Variants in MSRB3 observed in about 807,000 individuals in gnomAD.
The protein encoded by MSRB3 is methionine sulfoxide reductase B3.
In MSRB3, 13 loss-of-function variants were observed where a neutral mutation model predicts 21.0. That is an observed-to-expected ratio of 0.62 (90% CI 0.40 to 0.98). MSRB3 has a LOEUF of 0.98. MSRB3 is among the 50% of genes least tolerant of loss of function. MSRB3 has a pLI of 0.00. For synonymous variants in MSRB3, 87 were observed against 88.6 expected (o/e 0.98, Z 0.10); for missense variants, 199 against 230.3 (o/e 0.86, Z 0.88).
chr12:65,453,600 T>G (rs1882954827), intron 5 of MSRB3, 128 bp from the exon 6 acceptor site: 1 of 761,368 alleles, frequency 1.3e-6, no homozygotes, highest in African/African-American at 1.7e-5. Context: ...CTTTCTTTTT[T>G]CAGGTTGAAA....
chr12:65,338,904 G>A (rs941165874), intron 4 of MSRB3, among the ~76,000 whole-genome samples: 3 of 151,944 alleles, frequency 2.0e-5, no homozygotes, highest in African/African-American at 7.3e-5. Flanking sequence ...GTGAAACCCT[G>A]TCTCTACTAA....
intron 4 of MSRB3, among the ~76,000 whole-genome samples, chr12:65,356,153 A>C (rs1208546700): frequency 6.6e-6 from 1 of 151,890 alleles, no homozygotes; most frequent in Non-Finnish European, 1.5e-5. Context: ...GACCACAGAA[A>C]ATTTATCTTT....
intron 5 of MSRB3, among the ~76,000 whole-genome samples, chr12:65,423,434 C>A (rs1881426181): frequency 6.6e-6 from 1 of 152,148 alleles, no homozygotes; most frequent in African/African-American, 2.4e-5. Flanking sequence ...TGTTTCAGAT[C>A]TTAGAAAGAA....
intron 5 of MSRB3, among the ~76,000 whole-genome samples, chr12:65,377,865 A>C (rs1380051790): frequency 1.3e-5 from 2 of 152,198 alleles, no homozygotes; most frequent in African/African-American, 4.8e-5. Flanking sequence ...TTAAGTAGCC[A>C]ATATGCTTTC....
At chr12:65,318,479 A>C (rs1874450351) in intron 2 of MSRB3, among the ~76,000 whole-genome samples, 1 of 152,176 alleles carries the variant, frequency 6.6e-6, no homozygotes, top group African/African-American at 2.4e-5. Flanking sequence ...TGAAATGTAG[A>C]ATGGAAATGA....
intron 1 of MSRB3, among the ~76,000 whole-genome samples, chr12:65,304,765 A>G (rs1457232098): frequency 6.6e-6 from 1 of 152,224 alleles, no homozygotes; most frequent in Non-Finnish European, 1.5e-5. Context: ...CTTCACTCAG[A>G]CAGTTCAGGG....
intron 1 of MSRB3, among the ~76,000 whole-genome samples, chr12:65,294,739 C>T (rs1872855469): frequency 6.6e-6 from 1 of 151,600 alleles, no homozygotes; most frequent in South Asian, 2.1e-4. Flanking sequence ...TATTTGATGA[C>T]ACTCTTTGTA....
chr12:65,354,943 T>G (rs1163884730), intron 4 of MSRB3, among the ~76,000 whole-genome samples: 3 of 151,848 alleles, frequency 2.0e-5, no homozygotes, highest in East Asian at 1.9e-4. Context: ...GCTACTATAG[T>G]TAAAGTAGGA....
chr12:65,450,117 TA>T (rs34599763), intron 5 of MSRB3, among the ~76,000 whole-genome samples: 42,870 of 150,592 alleles, frequency 0.28, 6,622 homozygotes, highest in Middle Eastern at 0.45. Flanking sequence ...TGCTGCAATC[TA>T]AAAAAAAAAT....
At chr12:65,323,281 A>G (rs17824630) in intron 2 of MSRB3, among the ~76,000 whole-genome samples, 34,784 of 152,228 alleles carry the variant, frequency 0.23, 4,641 homozygotes, top group Admixed American at 0.34. Context: ...TCGAAACAAT[A>G]CTGGCCTTGA....
intron 5 of MSRB3, among the ~76,000 whole-genome samples, chr12:65,391,604 A>G (rs1467250270): frequency 6.6e-6 from 1 of 152,192 alleles, no homozygotes; most frequent in African/African-American, 2.4e-5. Flanking sequence ...TAAGTGATAA[A>G]CAGAATGTTC....
intron 4 of MSRB3, among the ~76,000 whole-genome samples, chr12:65,330,639 A>G (rs1875352192): frequency 6.6e-6 from 1 of 152,098 alleles, no homozygotes; most frequent in Non-Finnish European, 1.5e-5. Flanking sequence ...AAGATGACAT[A>G]CCTTTCACCC....
At chr12:65,374,474 G>A (rs1878490665) in intron 5 of MSRB3, among the ~76,000 whole-genome samples, 1 of 152,146 alleles carries the variant, frequency 6.6e-6, no homozygotes, top group South Asian at 2.1e-4. Context: ...ATACTTAACT[G>A]AGGAGGCCTA....
chr12:65,419,680 T>C (rs1881175894), intron 5 of MSRB3: 1 of 734,126 alleles, frequency 1.4e-6, no homozygotes, highest in Non-Finnish European at 2.5e-6. Flanking sequence ...CTCCAGGTGC[T>C]CCCAGATTTT....
At chr12:65,283,986 G>C (rs1872195563) in intron 1 of MSRB3, 1 of 152,174 alleles carries the variant, frequency 6.6e-6, no homozygotes, top group Non-Finnish European at 1.5e-5. Context: ...GAGATGGCAG[G>C]GGGAAGGAGA....
At chr12:65,388,830 C>T (rs528412014) in intron 5 of MSRB3, among the ~76,000 whole-genome samples, 114 of 152,036 alleles carry the variant, frequency 7.5e-4, no homozygotes, top group Non-Finnish European at 1.2e-3. Context: ...CATGATCGTT[C>T]GCTGCACTCT....
chr12:65,429,330 G>A (rs1881768527), intron 5 of MSRB3, among the ~76,000 whole-genome samples: 1 of 152,192 alleles, frequency 6.6e-6, no homozygotes. Flanking sequence ...AGCCAAGGTC[G>A]AAAGTATGAG....
chr12:65,396,700 AAAAAAAAGAAAG>A (rs1879813137), intron 5 of MSRB3, among the ~76,000 whole-genome samples: 3 of 11,654 alleles, frequency 2.6e-4, no homozygotes, highest in Non-Finnish European at 4.4e-4. Context: ...TCAAAAAAAA[AAAAAAAAGAAAG>A]AAAGAAAGAA....
chr12:65,363,085 C>T (rs1877804541), intron 4 of MSRB3, among the ~76,000 whole-genome samples: 1 of 152,126 alleles, frequency 6.6e-6, no homozygotes, highest in Non-Finnish European at 1.5e-5. Flanking sequence ...GGCTGTCACC[C>T]CTGCTCCTTC....
Sources: gnomAD v4.1 joint callset for allele counts (sites outside exome capture counted in the v4.1 genomes callset) on GRCh38, gnomAD v4.1.1 for gene constraint, MANE v1.5 for transcripts, NCBI Gene and HGNC (gene_info 2026-07-23, HGNC 2026-07-21) for gene names.